Variants in GALNT13 observed in about 807,000 individuals in gnomAD.
The protein encoded by GALNT13 is UDP-GalNAc:polypeptide N-acetylgalactosaminyltransferase 13.
In GALNT13, 28 loss-of-function variants were observed where a neutral mutation model predicts 64.2. The ratio of observed to expected loss-of-function variants is 0.44; its 90% CI spans 0.32 to 0.60. The LOEUF (loss-of-function observed/expected upper bound fraction) is 0.60, where lower values mean the gene tolerates loss of function less well. Ranked by LOEUF, GALNT13 falls within the 20% of genes least tolerant of loss-of-function variation. GALNT13 has a pLI of 0.05. For missense variants in GALNT13, 577 were observed against 669.8 expected (o/e 0.86, Z 1.53); for synonymous variants, 214 against 224.6 (o/e 0.95, Z 0.42).
At chr2:153,553,393 T>G in the GALNT13 span, among the ~76,000 whole-genome samples, 1 of 151,898 alleles carries the variant, frequency 6.6e-6, no homozygotes, top group African/African-American at 2.4e-5. Context: ...TCCCAGCTAC[T>G]CAGGAGGCTG....
At chr2:153,953,187 A>G (rs1692319985) in intron 3 of GALNT13, among the ~76,000 whole-genome samples, 2 of 152,150 alleles carry the variant, frequency 1.3e-5, no homozygotes, top group African/African-American at 2.4e-5. Flanking sequence ...AAGGAAACCT[A>G]CCTTTCTTTG....
At chr2:153,394,174 C>A in the GALNT13 span, among the ~76,000 whole-genome samples, 14 of 151,984 alleles carry the variant, frequency 9.2e-5, no homozygotes, top group Non-Finnish European at 1.9e-4. Context: ...AGAAATGTAG[C>A]CTGTAGAGCA....
chr2:153,318,998 A>G, the GALNT13 span, among the ~76,000 whole-genome samples: 1 of 152,162 alleles, frequency 6.6e-6, no homozygotes. Context: ...TCTTTAACTC[A>G]TTTCACAAAT....
At chr2:153,712,705 C>T in the GALNT13 span, among the ~76,000 whole-genome samples, 6 of 152,180 alleles carry the variant, frequency 3.9e-5, no homozygotes, top group East Asian at 1.9e-4. Flanking sequence ...TTGAGGTATA[C>T]GACATGGAAA....
At chr2:154,138,530 G>C (rs1245968110) in intron 3 of GALNT13, among the ~76,000 whole-genome samples, 1 of 147,912 alleles carries the variant, frequency 6.8e-6, no homozygotes, top group Non-Finnish European at 1.5e-5. Context: ...CAGGGAAAAA[G>C]TATCTCTTTT....
At chr2:154,191,367 AACT>A (rs1440690370) in intron 4 of GALNT13, among the ~76,000 whole-genome samples, 2 of 152,184 alleles carry the variant, frequency 1.3e-5, no homozygotes, top group Non-Finnish European at 2.9e-5. Context: ...TAGACTAGAC[AACT>A]ACAATTTCAG....
At chr2:154,053,481 C>T (rs7577885) in intron 3 of GALNT13, among the ~76,000 whole-genome samples, 28,277 of 151,288 alleles carry the variant, frequency 0.19, 3,354 homozygotes, top group Non-Finnish European at 0.26. Flanking sequence ...ACTTTTCTGG[C>T]CTGGATTTTA....
the GALNT13 span, among the ~76,000 whole-genome samples, chr2:153,483,410 C>CTTT: frequency 7.4e-4 from 53 of 71,750 alleles, no homozygotes; most frequent in South Asian, 1.5e-3. Context: ...GAATAAAATT[C>CTTT]TTTTTTTTTT....
At chr2:153,800,152 C>T in the GALNT13 span, among the ~76,000 whole-genome samples, 1 of 151,544 alleles carries the variant, frequency 6.6e-6, no homozygotes, top group Non-Finnish European at 1.5e-5. Context: ...GACCACTGCA[C>T]ACTTCAATAA....
chr2:154,400,246 C>T (rs906630209), intron 10 of GALNT13, among the ~76,000 whole-genome samples: 3 of 152,132 alleles, frequency 2.0e-5, no homozygotes, highest in African/African-American at 4.8e-5. Context: ...AAGGCACTTT[C>T]TCTTAAATAA....
chr2:153,722,556 G>T, the GALNT13 span, among the ~76,000 whole-genome samples: 2,160 of 149,334 alleles, frequency 0.014, 60 homozygotes, highest in African/African-American at 0.052. Flanking sequence ...TTGATAGACC[G>T]CTAACAAGAC....
chr2:153,960,682 A>C (rs1309083843), intron 3 of GALNT13, among the ~76,000 whole-genome samples: 3 of 152,186 alleles, frequency 2.0e-5, no homozygotes, highest in Non-Finnish European at 4.4e-5. Context: ...AGTGGTGGGA[A>C]TGTCTGAGTG....
the GALNT13 span, among the ~76,000 whole-genome samples, chr2:153,455,002 T>C: frequency 6.6e-6 from 1 of 152,222 alleles, no homozygotes; most frequent in Admixed American, 6.5e-5. Context: ...TGTATATACA[T>C]GTATATTTGA....
the GALNT13 span, among the ~76,000 whole-genome samples, chr2:153,564,018 G>A: frequency 2.6e-5 from 4 of 151,960 alleles, no homozygotes; most frequent in African/African-American, 9.7e-5. Flanking sequence ...GTTACTTATG[G>A]TTTCTGGATT....
chr2:154,170,232 A>G (rs111390561), intron 4 of GALNT13, among the ~76,000 whole-genome samples: 1,923 of 152,188 alleles, frequency 0.013, 45 homozygotes, highest in African/African-American at 0.044. Context: ...CCCACATTGG[A>G]TGAGGGCGGA....
At chr2:153,085,865 C>T in the GALNT13 span, among the ~76,000 whole-genome samples, 1 of 152,064 alleles carries the variant, frequency 6.6e-6, no homozygotes, top group Non-Finnish European at 1.5e-5. Flanking sequence ...CACTATGTAC[C>T]TAGGAAAGCC....
intron 3 of GALNT13, among the ~76,000 whole-genome samples, chr2:153,945,533 A>G (rs1309788362): frequency 1.3e-5 from 2 of 152,156 alleles, no homozygotes; most frequent in African/African-American, 2.4e-5. Flanking sequence ...ACATGTTTGT[A>G]CCTTTTGGAA....
intron 9 of GALNT13, among the ~76,000 whole-genome samples, chr2:154,308,818 A>G (rs545836300): frequency 6.6e-6 from 1 of 152,284 alleles, no homozygotes; most frequent in Admixed American, 6.5e-5. Flanking sequence ...GATGCCCTAA[A>G]ATGCTAAATA....
At chr2:154,442,927 T>G (rs1276114255) in intron 12 of GALNT13, among the ~76,000 whole-genome samples, 2 of 152,166 alleles carry the variant, frequency 1.3e-5, no homozygotes, top group African/African-American at 4.8e-5. Context: ...TCTATATACA[T>G]CTGTATCAAA....
Sources: allele counts gnomAD v4.1 joint callset (sites outside exome capture counted in the v4.1 genomes callset), GRCh38; gene constraint gnomAD v4.1.1; transcripts MANE v1.5; gene names NCBI Gene and HGNC (gene_info 2026-07-23, HGNC 2026-07-21).